MYT1L: variants seen among roughly 807,000 people sequenced by gnomAD.
MYT1L encodes the protein myelin transcription factor 1-like protein.
MYT1L carries 12 observed loss-of-function variants against 126.7 expected under a neutral mutation model. The ratio of observed to expected loss-of-function variants is 0.09; its 90% confidence interval spans 0.06 to 0.15. The LOEUF is 0.15. Among genes scored for constraint, MYT1L ranks in the 10% least tolerant of loss-of-function variants. The probability of loss-of-function intolerance (pLI) is 1.00; values close to 1 mark genes in which losing one functional copy is unlikely to be tolerated. For missense variants in MYT1L, 979 were observed against 1,585.2 expected, an observed-to-expected ratio of 0.62 and a Z score of 6.49; for synonymous variants, 541 against 604.2, an observed-to-expected ratio of 0.90 and a Z score of 1.53.
At chr2:1,994,875 T>C (rs1484442521) in intron 5 of MYT1L, among the ~76,000 whole-genome samples, 2 of 152,244 alleles carry the variant, frequency 1.3e-5, no homozygotes, top group African/African-American at 4.8e-5. Context: ...CATATTCTTT[T>C]TAATTTTTTT....
Position 1,956,392 on chromosome 2 carries a change from T to A in MYT1L, c.153-13058A>T, listed in dbSNP as rs949727476. On this transcript the variant is annotated intron_variant, in intron 8 of 24. Transcript: ENST00000647738. Reference sequence around the variant, plus strand: ...TATCCTATTCTATATTTCCTATTCTTTCTATCTGTCTGTCTATCTATCTAT... The same window carrying A: ...TATCCTATTCTATATTTCCTATTCTATCTATCTGTCTGTCTATCTATCTAT... 5.2e-4 allele frequency among the ~76,000 whole-genome samples: 42 copies of A among 80,652 alleles called. 2 individuals are homozygous for A. Among genetic ancestry groups the A allele is most frequent in the Admixed American group, 2.5e-3 (21 of 8,336 alleles). The allele number at this position is 80,652 out of a possible 152,430, so 52.9% of individuals were successfully genotyped here. A position where few individuals can be genotyped will look rare whatever the true frequency, so the allele number is the denominator to read the frequency against.
intron 3 of MYT1L, among the ~76,000 whole-genome samples, chr2:2,118,684 T>C (rs2080547544): frequency 6.6e-6 from 1 of 152,218 alleles, no homozygotes; most frequent in Non-Finnish European, 1.5e-5. Flanking sequence ...ATTAAATAAT[T>C]CCAGTCATTT....
At chr2:1,949,051 T>C (rs2057493774) in intron 8 of MYT1L, among the ~76,000 whole-genome samples, 1 of 152,206 alleles carries the variant, frequency 6.6e-6, no homozygotes, top group East Asian at 1.9e-4. Flanking sequence ...ACTAGTAAGA[T>C]CACGGTAGCT....
At chr2:1,950,044 C>G (rs1230468113) in intron 8 of MYT1L, among the ~76,000 whole-genome samples, 2 of 152,070 alleles carry the variant, frequency 1.3e-5, no homozygotes, top group South Asian at 2.1e-4. Flanking sequence ...GTGCTTGGCA[C>G]TTTCTAAAAT....
intron 4 of MYT1L, among the ~76,000 whole-genome samples, chr2:2,021,477 G>A (rs2065024635): frequency 1.3e-5 from 2 of 152,206 alleles, no homozygotes; most frequent in African/African-American, 4.8e-5. Context: ...AATAGGTGGT[G>A]AGGAGTGAGG....
At chr2:2,271,875 C>T (rs753057996) in intron 2 of MYT1L, among the ~76,000 whole-genome samples, 3 of 152,174 alleles carry the variant, frequency 2.0e-5, no homozygotes, top group East Asian at 3.8e-4. Flanking sequence ...CCCATAATAG[C>T]GGTGTTTTTA....
Position 1,887,374 on chromosome 2 carries a change from G to C in MYT1L, c.2642+114C>G. Reference sequence around the variant, plus strand: ...ACCCAGCAGTCGGAAACATTTATATGCTGCGAATGTCGCATGCTCAAACGG... The same window carrying C: ...ACCCAGCAGTCGGAAACATTTATATCCTGCGAATGTCGCATGCTCAAACGG... On this transcript the variant is annotated intron_variant, in intron 17 of 24. Transcript: ENST00000647738. The surrounding 1 kb of genome is among the most constrained non-coding windows in gnomAD (Gnocchi z 4.8). 1.5e-6 allele frequency: 2 copies of C among 1,373,998 alleles called. No individual in the cohort carries two copies. The highest frequency in any genetic ancestry group is 2.0e-6 in the Non-Finnish European group (2 of 981,182). 85.1% of individuals were successfully genotyped at this position (1,373,998 alleles called of 1,614,324 possible). A position where few individuals can be genotyped will look rare whatever the true frequency, so the allele number is the denominator to read the frequency against.
intron 3 of MYT1L, among the ~76,000 whole-genome samples, chr2:2,171,677 G>A (rs2090077925): frequency 6.6e-6 from 1 of 152,076 alleles, no homozygotes; most frequent in South Asian, 2.1e-4. Context: ...TAAACATAAT[G>A]CCTTCCCCAA....
chr2:2,186,295 C>T (rs550905477), intron 2 of MYT1L, among the ~76,000 whole-genome samples: 4 of 148,988 alleles, frequency 2.7e-5, no homozygotes, highest in Admixed American at 1.3e-4. Context: ...GTGAGGGGGA[C>T]GTAGCCGGGC....
intron 3 of MYT1L, among the ~76,000 whole-genome samples, chr2:2,083,278 C>T (rs949573569): frequency 2.0e-5 from 3 of 152,232 alleles, no homozygotes; most frequent in African/African-American, 4.8e-5. Flanking sequence ...AGCTCTTGCC[C>T]TGGGTAGCAA....
Position 2,224,548 on chromosome 2 carries a change from G to T in MYT1L, c.-420-51560C>A, listed in dbSNP as rs538662124. 5.9e-5 allele frequency among the ~76,000 whole-genome samples: 9 copies of T among 152,258 alleles called. No homozygotes were observed. The highest frequency in any genetic ancestry group is 5.9e-4 in the Admixed American group (9 of 15,292). On this transcript the variant is annotated intron_variant, in intron 2 of 24. Coordinates refer to ENST00000647738, the MANE Select transcript of MYT1L (RefSeq NM_001303052.2). This position sits in a 1 kb window ranked among gnomAD's most constrained non-coding sequence, Gnocchi z 4.0. ...AAAATAAATGTTTCAGGCTGGGCAC[G>T]GTGGCTGAAGCCTGTAATCTCAACA...
chr2:2,308,959 C>A (rs1054150804), intron 1 of MYT1L, among the ~76,000 whole-genome samples: 13 of 151,476 alleles, frequency 8.6e-5, no homozygotes, highest in African/African-American at 3.2e-4. Context: ...CTTACTCCAC[C>A]TACACTTTAT....
chr2:2,206,332 TC>T (rs1344961889), intron 2 of MYT1L, among the ~76,000 whole-genome samples: 1 of 152,224 alleles, frequency 6.6e-6, no homozygotes, highest in Non-Finnish European at 1.5e-5. Context: ...TTCACCTTTT[TC>T]TTTTATTGCT....
chr2:1,939,170 C>T (rs961216602), intron 9 of MYT1L, among the ~76,000 whole-genome samples: 4 of 152,190 alleles, frequency 2.6e-5, no homozygotes, highest in African/African-American at 9.7e-5. Context: ...GCAGGATGGG[C>T]GCGGGAGTCA....
At chr2:2,199,440 A>G (rs1264966741) in intron 2 of MYT1L, among the ~76,000 whole-genome samples, 2 of 152,162 alleles carry the variant, frequency 1.3e-5, no homozygotes, top group African/African-American at 4.8e-5. Context: ...ACCCATGACT[A>G]TCTGCGGGGT....
intron 1 of MYT1L, among the ~76,000 whole-genome samples, chr2:2,285,071 A>T (rs991803101): frequency 6.6e-6 from 1 of 152,210 alleles, no homozygotes; most frequent in African/African-American, 2.4e-5. Context: ...TGAAAGAACA[A>T]GGTCAGTTGT....
chr2:1,896,054 A>C (rs561212987), intron 14 of MYT1L, among the ~76,000 whole-genome samples: 1 of 152,372 alleles, frequency 6.6e-6, no homozygotes, highest in Admixed American at 6.5e-5. Context: ...TCTCAAAAGA[A>C]GACATACAAG....
intron 2 of MYT1L, among the ~76,000 whole-genome samples, chr2:2,236,798 TCTTCTTCTTCTTCTTC>T (rs2094326540): frequency 1.6e-3 from 33 of 20,548 alleles, no homozygotes; most frequent in African/African-American, 6.0e-3. Flanking sequence ...TTCTTCTTCT[TCTTCTTCTTCTTCTTC>T]TTTTTTTTTT....
chr2:2,257,405 C>T (rs557979869), intron 2 of MYT1L, among the ~76,000 whole-genome samples: 19 of 152,198 alleles, frequency 1.2e-4, no homozygotes, highest in Middle Eastern at 3.4e-3. Context: ...ATCTTGGCTG[C>T]GGTGGCTTAT....
Sources: gnomAD v4.1 joint callset for allele counts (sites outside exome capture counted in the v4.1 genomes callset) on GRCh38, gnomAD v4.1.1 for gene constraint, Gnocchi (gnomAD v3.1) non-coding constraint, MANE v1.5 for transcripts, NCBI Gene and HGNC (gene_info 2026-07-23, HGNC 2026-07-21) for gene names.